KLHL20: variants seen among roughly 807,000 people sequenced by gnomAD.
The protein encoded by KLHL20 is kelch-like protein 20.
KLHL20 carries 29 observed loss-of-function variants against 69.5 expected under a neutral mutation model. The ratio of observed to expected loss-of-function variants is 0.42; its 90% confidence interval spans 0.31 to 0.57. The LOEUF (loss-of-function observed/expected upper bound fraction) is 0.57, where lower values mean the gene tolerates loss of function less well. KLHL20 is among the 20% of genes least tolerant of loss of function. KLHL20 has a pLI of 0.18. For synonymous variants in KLHL20, 253 were observed against 265.2 expected (o/e 0.95, Z 0.45); for missense variants, 419 against 776.0 (o/e 0.54, Z 5.47).
chr1:173,751,052 C>T (rs73035134), intron 3 of KLHL20, among the ~76,000 whole-genome samples: 1,998 of 152,154 alleles, frequency 0.013, 50 homozygotes, highest in African/African-American at 0.046. Context: ...TATAACAAAC[C>T]ACGTGAAGGG....
At chr1:173,735,704 G>A (rs945927103) in intron 3 of KLHL20, among the ~76,000 whole-genome samples, 1 of 151,938 alleles carries the variant, frequency 6.6e-6, no homozygotes, top group Non-Finnish European at 1.5e-5. Flanking sequence ...TCCACCACCC[G>A]AGCAGTGTAC....
chr1:173,738,904 G>T (rs1355253203), intron 3 of KLHL20, among the ~76,000 whole-genome samples: 1 of 152,184 alleles, frequency 6.6e-6, no homozygotes, highest in Non-Finnish European at 1.5e-5. Context: ...CTATTATTTT[G>T]TGGAGGATTT....
At chr1:173,748,006 A>G (rs950667485) in intron 3 of KLHL20, among the ~76,000 whole-genome samples, 2 of 152,006 alleles carry the variant, frequency 1.3e-5, no homozygotes, top group Admixed American at 6.5e-5. Context: ...CAAATTCTTT[A>G]TACATAAGAA....
At chr1:173,769,478 A>G (rs1181333859) in intron 8 of KLHL20, among the ~76,000 whole-genome samples, 1 of 152,146 alleles carries the variant, frequency 6.6e-6, no homozygotes, top group Non-Finnish European at 1.5e-5. Context: ...GACAAAAGTA[A>G]GGCAGTGAAT....
At chr1:173,739,416 C>A (rs995453636) in intron 3 of KLHL20, among the ~76,000 whole-genome samples, 2 of 151,774 alleles carry the variant, frequency 1.3e-5, no homozygotes, top group Non-Finnish European at 1.5e-5. Context: ...GTGAATCCAT[C>A]TGGTCCTGGA....
At chr1:173,753,032 G>T (rs1673381073) in intron 4 of KLHL20, among the ~76,000 whole-genome samples, 181 bp from the exon 5 acceptor site, 1 of 152,104 alleles carries the variant, frequency 6.6e-6, no homozygotes, top group Non-Finnish European at 1.5e-5. Context: ...AATTTGTTGG[G>T]CATGGTGGCA....
intron 7 of KLHL20, 55 bp from the exon 8 acceptor site, chr1:173,766,091 A>G (rs1029764476): frequency 3.6e-6 from 5 of 1,404,592 alleles, no homozygotes; most frequent in Non-Finnish European, 4.7e-6. Flanking sequence ...ATATGTAAAC[A>G]TAGCCAAGCT....
intron 2 of KLHL20, among the ~76,000 whole-genome samples, chr1:173,720,057 G>A (rs1671644613): frequency 6.6e-6 from 1 of 152,152 alleles, no homozygotes; most frequent in South Asian, 2.1e-4. Flanking sequence ...AGGTGTTCAA[G>A]GCTGCAGTGA....
chr1:173,722,504 C>T (rs1671756391), intron 2 of KLHL20, among the ~76,000 whole-genome samples: 1 of 151,838 alleles, frequency 6.6e-6, no homozygotes, highest in Non-Finnish European at 1.5e-5. Flanking sequence ...CACCTGAGAG[C>T]CTCCTCAGGA....
chr1:173,779,118 G>A (rs910887828), intron 10 of KLHL20, among the ~76,000 whole-genome samples: 3 of 151,940 alleles, frequency 2.0e-5, no homozygotes, highest in South Asian at 2.1e-4. Flanking sequence ...GTCCAAAACC[G>A]CTTTATAGGT....
intron 10 of KLHL20, 55 bp from the exon 11 acceptor site, chr1:173,782,069 A>C (rs1558228304): frequency 8.2e-7 from 1 of 1,225,020 alleles, no homozygotes; most frequent in Non-Finnish European, 1.2e-6. Context: ...CCAGTCTATA[A>C]TTTCCTTACG....
intron 3 of KLHL20, among the ~76,000 whole-genome samples, chr1:173,736,025 C>T (rs1214769455): frequency 6.8e-6 from 1 of 146,812 alleles, no homozygotes; most frequent in Non-Finnish European, 1.5e-5. Flanking sequence ...CAGCTCACTG[C>T]AACTTCTGCC....
rs567888078 is a variant in KLHL20 at position 173,728,193 on chromosome 1, C to A, written c.24-5520C>A. On this transcript the variant is annotated intron_variant, in intron 2 of 11. Coordinates refer to ENST00000209884, the MANE Select transcript of KLHL20 (RefSeq NM_014458.4). ...GGATCAATTCAACAAGAAGAGCTAACTATCCTAAATATATATGCACCCAAT... is the reference window on the plus strand; with the variant it reads ...GGATCAATTCAACAAGAAGAGCTAAATATCCTAAATATATATGCACCCAAT... 2.0e-5 allele frequency among the ~76,000 whole-genome samples: 3 copies of A among 152,298 alleles called. No individual in the cohort carries two copies. The East Asian group carries it at 5.8e-4, about 29-fold the overall frequency.
At chr1:173,763,518 G>A (rs1203905985) in intron 7 of KLHL20, among the ~76,000 whole-genome samples, 1 of 152,140 alleles carries the variant, frequency 6.6e-6, no homozygotes, top group African/African-American at 2.4e-5. Context: ...AAAACAGTGT[G>A]GTACTGGTAT....
In KLHL20 at chr1:173,732,603, T is replaced by G. The variant is rs183629613; in HGVS notation, c.24-1110T>G. ...ACTTTCTATTTCATTTTTTAATGCT[T>G]CTTATGAGGCACTGAATTTTACAAC... On this transcript the variant is annotated intron_variant, in intron 2 of 11. Coordinates refer to ENST00000209884, the MANE Select transcript of KLHL20 (RefSeq NM_014458.4). Among the ~76,000 whole-genome samples, 495 of 152,332 alleles carry G rather than the reference T, an allele frequency of 3.2e-3. 1 individual carries two copies. Among genetic ancestry groups the G allele is most frequent in the African/African-American group, 0.011 (456 of 41,580 alleles).
chr1:173,751,413 A>T (rs909947079), intron 3 of KLHL20, among the ~76,000 whole-genome samples: 2 of 152,190 alleles, frequency 1.3e-5, no homozygotes, highest in Non-Finnish European at 2.9e-5. Flanking sequence ...CCTATTCAGC[A>T]ACTAATCTTC....
chr1:173,759,828 C>T (rs1051757932), intron 7 of KLHL20, among the ~76,000 whole-genome samples: 1 of 151,934 alleles, frequency 6.6e-6, no homozygotes, highest in Non-Finnish European at 1.5e-5. Flanking sequence ...TCAACACCCC[C>T]AAAAAATCAT....
intron 10 of KLHL20, among the ~76,000 whole-genome samples, chr1:173,780,226 TTGGGAAAGCAAAA>T (rs926627275): frequency 2.0e-5 from 3 of 152,212 alleles, no homozygotes; most frequent in Non-Finnish European, 4.4e-5. Context: ...TCGCTGTGTG[TTGGGAAAGCAAAA>T]ATGAGTATGG....
At chr1:173,731,551 T>G (rs1483042291) in intron 2 of KLHL20, among the ~76,000 whole-genome samples, 3 of 152,210 alleles carry the variant, frequency 2.0e-5, no homozygotes, top group African/African-American at 7.2e-5. Flanking sequence ...AAAATGATGA[T>G]TTCATGTCCT....
Sources: gnomAD v4.1 joint callset for allele counts (sites outside exome capture counted in the v4.1 genomes callset) on GRCh38, gnomAD v4.1.1 for gene constraint, MANE v1.5 for transcripts, NCBI Gene and HGNC (gene_info 2026-07-23, HGNC 2026-07-21) for gene names.